Variants in IL7 observed in about 807,000 individuals in gnomAD.
IL7 encodes the protein interleukin-7.
A neutral mutation model predicts 21.6 loss-of-function variants in IL7; 3 were observed. The ratio of observed to expected loss-of-function variants is 0.14; its 90% CI spans 0.06 to 0.36. The LOEUF (loss-of-function observed/expected upper bound fraction) is 0.36. Ranked by LOEUF, IL7 falls within the 10% of genes least tolerant of loss-of-function variation. IL7 has a pLI of 1.00. For missense variants in IL7, 175 were observed against 200.2 expected (o/e 0.87, Z 0.76); for synonymous variants, 62 against 68.1 (o/e 0.91, Z 0.44).
chr8:78,762,676 C>A (rs1477318392), intron 2 of IL7, among the ~76,000 whole-genome samples: 2 of 150,734 alleles, frequency 1.3e-5, no homozygotes, highest in Non-Finnish European at 3.0e-5. Flanking sequence ...ATTGTGTCCT[C>A]TTGTATTTGT....
At chr8:78,701,080 G>T (rs748532227) in intron 3 of IL7, among the ~76,000 whole-genome samples, 5 of 152,118 alleles carry the variant, frequency 3.3e-5, no homozygotes, top group Non-Finnish European at 5.9e-5. Flanking sequence ...AATTGCTTTA[G>T]GCAGTATCAC....
intron 3 of IL7, among the ~76,000 whole-genome samples, chr8:78,691,475 T>G (rs1298046751): frequency 6.6e-6 from 1 of 152,138 alleles, no homozygotes; most frequent in Admixed American, 6.5e-5. Context: ...TATATATGTG[T>G]TTTTGCATTG....
intron 4 of IL7, among the ~76,000 whole-genome samples, chr8:78,678,206 A>G (rs1370941691): frequency 6.6e-6 from 1 of 152,166 alleles, no homozygotes; most frequent in Non-Finnish European, 1.5e-5. Context: ...AATGCAGTCC[A>G]GTAGGTTTCA....
downstream of IL7, chr8:78,717,692 G>T: frequency 2.7e-6 from 1 of 375,550 alleles, no homozygotes; most frequent in Non-Finnish European, 4.6e-6. Context: ...ATAAATATCT[G>T]ATACCCCAGA....
At chr8:78,792,545 T>C (rs987286467) in intron 2 of IL7, among the ~76,000 whole-genome samples, 1 of 152,080 alleles carries the variant, frequency 6.6e-6, no homozygotes, top group Admixed American at 6.6e-5. Flanking sequence ...ATCCAGAGCA[T>C]ATAAAGAACT....
chr8:78,728,554 C>T (rs1364732191), downstream of IL7, among the ~76,000 whole-genome samples: 2 of 151,992 alleles, frequency 1.3e-5, no homozygotes, highest in Non-Finnish European at 2.9e-5. Flanking sequence ...TGATGAAACA[C>T]TTGGATATCC....
intron 3 of IL7, among the ~76,000 whole-genome samples, chr8:78,695,983 T>C (rs557864107): frequency 6.6e-6 from 1 of 152,340 alleles, no homozygotes; most frequent in East Asian, 1.9e-4. Flanking sequence ...TTATATTGAT[T>C]ATTGGTTATA....
At chr8:78,741,113 G>A (rs538483130) in intron 2 of IL7, among the ~76,000 whole-genome samples, 6 of 152,222 alleles carry the variant, frequency 3.9e-5, no homozygotes, top group African/African-American at 1.4e-4. Context: ...ATTTAGTCAT[G>A]GGCTTTGAAT....
rs148938038 is a variant in IL7 at position 78,766,936 on chromosome 8, A to T, written c.148-26854T>A. On this transcript the variant is annotated intron_variant, in intron 2 of 5. Transcript: ENST00000263851. ...GCCATTCTGTTACATTCTTATTTGGATCAGATGTCATCAGTCTTTACCATT... is the reference window on the plus strand; with the variant it reads ...GCCATTCTGTTACATTCTTATTTGGTTCAGATGTCATCAGTCTTTACCATT... Among the ~76,000 whole-genome samples, 560 of 152,262 alleles carry T rather than the reference A, an allele frequency of 3.7e-3. 2 individuals are homozygous for T. The highest frequency in any genetic ancestry group is 6.0e-3 in the Non-Finnish European group (405 of 67,984).
At chr8:78,785,190 A>G (rs757728975) in intron 2 of IL7, among the ~76,000 whole-genome samples, 4 of 152,118 alleles carry the variant, frequency 2.6e-5, no homozygotes, top group Non-Finnish European at 5.9e-5. Context: ...CAATTTTTAT[A>G]GTACATGATA....
At chr8:78,697,449 G>A in intron 3 of IL7, 1 of 1,609,768 alleles carries the variant, frequency 6.2e-7, no homozygotes, top group Non-Finnish European at 8.5e-7. Context: ...TCCTGGAACT[G>A]CATCATCAGG....
At chr8:78,713,551 AGTT>A (rs2130609835), downstream of IL7, among the ~76,000 whole-genome samples, 1 of 152,264 alleles carries the variant, frequency 6.6e-6, no homozygotes, top group Admixed American at 6.5e-5. Flanking sequence ...AGACTCTAGT[AGTT>A]CTACAACATC....
At chr8:78,683,913 G>A (rs1809869829) in intron 4 of IL7, among the ~76,000 whole-genome samples, 1 of 152,144 alleles carries the variant, frequency 6.6e-6, no homozygotes, top group African/African-American at 2.4e-5. Context: ...CAGTCTCTTT[G>A]CTAAAGCATA....
chr8:78,796,764 G>A (rs1021685312), intron 2 of IL7, among the ~76,000 whole-genome samples: 32 of 151,926 alleles, frequency 2.1e-4, no homozygotes, highest in African/African-American at 7.7e-4. Context: ...CCAAAGGCTG[G>A]CGAAGATGGA....
At chr8:78,712,002 G>A (rs1299141279) in intron 3 of IL7, 3 of 1,289,620 alleles carry the variant, frequency 2.3e-6, no homozygotes, top group Non-Finnish European at 1.0e-6. Context: ...ATATGGACAA[G>A]TTAGGCCCTC....
At chr8:78,766,008 C>G (rs1313491238) in intron 2 of IL7, among the ~76,000 whole-genome samples, 3 of 151,956 alleles carry the variant, frequency 2.0e-5, no homozygotes, top group African/African-American at 7.2e-5. Context: ...ATGAAATGAG[C>G]TATAAAGCAA....
intron 4 of IL7, among the ~76,000 whole-genome samples, chr8:78,683,098 GCTTT>G (rs1225778170): frequency 6.6e-6 from 1 of 152,190 alleles, no homozygotes; most frequent in Non-Finnish European, 1.5e-5. Flanking sequence ...CCTCCTGGCT[GCTTT>G]CTTGGGCTGG....
intron 1 of IL7, among the ~76,000 whole-genome samples, chr8:78,800,912 A>G (rs1814035317): frequency 1.3e-5 from 2 of 152,200 alleles, no homozygotes; most frequent in African/African-American, 4.8e-5. Flanking sequence ...GTTTTAATAC[A>G]TGAGGTTGTT....
At chr8:78,775,435 A>G (rs1217551562) in intron 2 of IL7, among the ~76,000 whole-genome samples, 1 of 152,144 alleles carries the variant, frequency 6.6e-6, no homozygotes, top group Non-Finnish European at 1.5e-5. Context: ...ATACTTCTAC[A>G]TCAGTGCAAT....
Sources: gnomAD v4.1 joint callset for allele counts (sites outside exome capture counted in the v4.1 genomes callset) on GRCh38, gnomAD v4.1.1 for gene constraint, MANE v1.5 for transcripts, NCBI Gene and HGNC (gene_info 2026-07-23, HGNC 2026-07-21) for gene names.